Variants in NRXN3 observed in about 807,000 individuals in gnomAD.
The protein encoded by NRXN3 is neurexin III.
NRXN3 carries 32 observed loss-of-function variants against 137.6 expected under a neutral mutation model. The ratio of observed to expected loss-of-function variants is 0.23; its 90% CI spans 0.18 to 0.31. The LOEUF is 0.31. NRXN3 is among the 10% of genes least tolerant of loss of function. NRXN3 has a pLI of 1.00. For missense variants in NRXN3, 1,574 were observed against 2,062.5 expected, an observed-to-expected ratio of 0.76 and a Z score of 4.59; for synonymous variants, 798 against 784.5, an observed-to-expected ratio of 1.02 and a Z score of -0.29.
At chr14:79,134,659 C>T (rs989510507) in intron 15 of NRXN3, among the ~76,000 whole-genome samples, 7 of 152,138 alleles carry the variant, frequency 4.6e-5, no homozygotes, top group African/African-American at 9.7e-5. Context: ...AAATTCCAGG[C>T]ACTTTGTCAA....
At chr14:79,618,233 G>A (rs2098183249) in intron 16 of NRXN3, among the ~76,000 whole-genome samples, 1 of 151,970 alleles carries the variant, frequency 6.6e-6, no homozygotes, top group Non-Finnish European at 1.5e-5. Context: ...GAGTACATGT[G>A]CAGGCTTGTT....
intron 15 of NRXN3, among the ~76,000 whole-genome samples, chr14:79,230,262 G>A (rs2071912864): frequency 6.6e-6 from 1 of 152,102 alleles, no homozygotes; most frequent in Non-Finnish European, 1.5e-5. Flanking sequence ...GGAACATGTT[G>A]TGTTGGCATC....
rs542824936 is a variant in NRXN3, at chr14:79,564,071, A to G, written c.3444+96669A>G. The stretch of plus-strand genomic sequence containing the variant: ...GTCAGGCAATGATGCTTAGTGAAGT[A>G]CAACCTCAGAGTTACGGTTTTTAAT... On this transcript the variant is annotated intron_variant, in intron 16 of 20. Transcript: ENST00000335750. Among the ~76,000 whole-genome samples the G allele has an allele frequency of 1.4e-4, 22 of 152,234 alleles. No homozygotes were observed. In the South Asian group the frequency reaches 4.6e-3, roughly 32 times the overall value.
chr14:78,611,112 G>C (rs946645530), intron 4 of NRXN3, among the ~76,000 whole-genome samples: 1 of 152,022 alleles, frequency 6.6e-6, no homozygotes, highest in Non-Finnish European at 1.5e-5. Flanking sequence ...AAACAACCGG[G>C]CCTCCATGGC....
chr14:78,620,189 T>TA (rs910896450), intron 4 of NRXN3, among the ~76,000 whole-genome samples: 9 of 152,220 alleles, frequency 5.9e-5, no homozygotes, highest in African/African-American at 2.2e-4. Flanking sequence ...TGGTAGGGTC[T>TA]AAAAAAAGAA....
intron 15 of NRXN3, among the ~76,000 whole-genome samples, chr14:79,382,121 A>G (rs1264358242): frequency 6.6e-6 from 1 of 152,112 alleles, no homozygotes; most frequent in Non-Finnish European, 1.5e-5. Flanking sequence ...CTTTTCATTG[A>G]GTTATTCTGA....
intron 15 of NRXN3, among the ~76,000 whole-genome samples, chr14:79,108,989 T>TA (rs2052978135): frequency 1.3e-5 from 2 of 152,292 alleles, no homozygotes; most frequent in Admixed American, 1.3e-4. Flanking sequence ...GTAATCACTC[T>TA]AAAAAATAGG....
At chr14:79,682,246 T>C (rs1167624593) in intron 17 of NRXN3, among the ~76,000 whole-genome samples, 3 of 152,206 alleles carry the variant, frequency 2.0e-5, no homozygotes, top group Non-Finnish European at 4.4e-5. Context: ...TACTTTTCTC[T>C]AGACATTTCT....
intron 15 of NRXN3, among the ~76,000 whole-genome samples, chr14:79,034,349 TACACACACACAC>T (rs56226324): frequency 1.4e-5 from 2 of 144,426 alleles, no homozygotes; most frequent in Non-Finnish European, 3.0e-5. Context: ...TCTTATTTCT[TACACACACACAC>T]ACACACACAC....
chr14:78,346,315 T>A (rs2153587043), intron 4 of NRXN3, among the ~76,000 whole-genome samples: 1 of 151,820 alleles, frequency 6.6e-6, no homozygotes, highest in African/African-American at 2.4e-5. Context: ...TATTTGCTCC[T>A]AAAATCAGGC....
At chr14:78,534,712 A>G (rs1377597914) in intron 4 of NRXN3, among the ~76,000 whole-genome samples, 1 of 152,196 alleles carries the variant, frequency 6.6e-6, no homozygotes, top group African/African-American at 2.4e-5. Context: ...TCACTGTGCC[A>G]CAGTGCCATT....
chr14:79,087,177 T>C (rs2048286353), intron 15 of NRXN3, among the ~76,000 whole-genome samples: 1 of 151,904 alleles, frequency 6.6e-6, no homozygotes, highest in Admixed American at 6.6e-5. Flanking sequence ...TAAATGAAGG[T>C]TTCCAAGCGG....
intron 4 of NRXN3, among the ~76,000 whole-genome samples, chr14:78,573,418 A>C (rs1354926320): frequency 3.3e-5 from 5 of 152,234 alleles, no homozygotes; most frequent in African/African-American, 1.2e-4. Context: ...GTCTTGTTGA[A>C]TGGCTTTGAC....
chr14:79,454,796 TA>T (rs1017118068), intron 15 of NRXN3, among the ~76,000 whole-genome samples: 1 of 151,954 alleles, frequency 6.6e-6, no homozygotes, highest in African/African-American at 2.4e-5. Context: ...TTCCAATACT[TA>T]AAAAAAATCC....
At chr14:79,786,401 G>T (rs751114179) in intron 19 of NRXN3, among the ~76,000 whole-genome samples, 1 of 152,168 alleles carries the variant, frequency 6.6e-6, no homozygotes, top group African/African-American at 2.4e-5. Context: ...TAGGGACTTA[G>T]ATTTCATTTG....
intron 4 of NRXN3, among the ~76,000 whole-genome samples, chr14:78,429,785 G>T (rs2093804967): frequency 1.3e-5 from 2 of 152,196 alleles, no homozygotes; most frequent in Admixed American, 6.5e-5. Context: ...AGATAGATTT[G>T]TAGACCATTA....
rs574582703 is a variant in NRXN3 at position 78,264,329 on chromosome 14, G to A, written c.710-14316G>A. Among the ~76,000 whole-genome samples, 7 of 152,252 alleles carry A rather than the reference G, an allele frequency of 4.6e-5. No homozygotes were observed. In the East Asian group the frequency reaches 1.4e-3, roughly 29 times the overall value. On this transcript the variant is annotated intron_variant, in intron 2 of 20. Transcript: ENST00000335750. ...ACTGACCCAGCCTCCCCAAGAAATG[G>A]CAGCTGGGGCCACAGTTCCAAGCCT...
intron 15 of NRXN3, among the ~76,000 whole-genome samples, chr14:79,456,700 T>G (rs1268032097): frequency 6.6e-6 from 1 of 151,184 alleles, no homozygotes. Context: ...CACTCCAGCC[T>G]GGGTGACAGA....
chr14:78,593,561 C>A (rs1242613153), intron 4 of NRXN3, among the ~76,000 whole-genome samples: 1 of 152,174 alleles, frequency 6.6e-6, no homozygotes, highest in Non-Finnish European at 1.5e-5. Context: ...AGTCCCGAGG[C>A]TTTTAACAAT....
Sources: allele counts gnomAD v4.1 joint callset (sites outside exome capture counted in the v4.1 genomes callset), GRCh38; gene constraint gnomAD v4.1.1; transcripts MANE v1.5; gene names NCBI Gene and HGNC (gene_info 2026-07-23, HGNC 2026-07-21).